The following CAMK4 variants were observed in gnomAD, a reference collection of about 807,000 sequenced individuals.
CAMK4 encodes the protein calcium/calmodulin-dependent protein kinase type IV.
A neutral mutation model predicts 44.9 loss-of-function variants in CAMK4; 22 were observed. That is an observed-to-expected ratio of 0.49 (90% confidence interval 0.35 to 0.70). The LOEUF is 0.70. Among genes scored for constraint, CAMK4 ranks in the 30% least tolerant of loss-of-function variants. The probability of loss-of-function intolerance (pLI) is 0.01; values close to 1 mark genes in which losing one functional copy is unlikely to be tolerated. For missense variants in CAMK4, 498 were observed against 586.8 expected, an observed-to-expected ratio of 0.85 and a Z score of 1.56; for synonymous variants, 218 against 215.4, an observed-to-expected ratio of 1.01 and a Z score of -0.11.
intron 6 of CAMK4, among the ~76,000 whole-genome samples, chr5:111,448,800 A>G (rs184931746): frequency 3.0e-4 from 45 of 152,314 alleles, no homozygotes; most frequent in East Asian, 1.7e-3. Flanking sequence ...GCAAGATTCT[A>G]TCTAAACAAA....
intron 2 of CAMK4, among the ~76,000 whole-genome samples, chr5:111,348,899 G>A (rs1035497980): frequency 3.2e-4 from 48 of 151,978 alleles, no homozygotes; most frequent in African/African-American, 1.2e-3. Flanking sequence ...AAACATCAGT[G>A]ACTCACTGTT....
chr5:111,338,930 A>G (rs983932757), intron 1 of CAMK4, among the ~76,000 whole-genome samples: 4 of 151,190 alleles, frequency 2.6e-5, no homozygotes, highest in African/African-American at 7.3e-5. Flanking sequence ...TGCTTTGGCT[A>G]TTCAGGCTCT....
At chr5:111,273,708 TATATATATATACACAC>T (rs1444866067) in intron 1 of CAMK4, among the ~76,000 whole-genome samples, 1,912 of 56,378 alleles carry the variant, frequency 0.034, 169 homozygotes, top group African/African-American at 0.16. Context: ...TATATATATA[TATATATATATACACAC>T]ACATACATAC....
At chr5:111,358,215 C>T (rs1332740713) in intron 2 of CAMK4, 1 of 152,028 alleles carries the variant, frequency 6.6e-6, no homozygotes, top group African/African-American at 2.4e-5. Context: ...CTGTTAAAAC[C>T]TGAGTTTAGT....
chr5:111,278,786 C>CTT (rs1387200381), intron 1 of CAMK4, among the ~76,000 whole-genome samples: 1 of 152,206 alleles, frequency 6.6e-6, no homozygotes, highest in Non-Finnish European at 1.5e-5. Context: ...CCACTCCATC[C>CTT]TTTGCTTTCC....
intron 5 of CAMK4, among the ~76,000 whole-genome samples, chr5:111,425,122 G>A (rs550805697): frequency 2.0e-5 from 3 of 146,474 alleles, no homozygotes; most frequent in Non-Finnish European, 4.4e-5. Context: ...GAGATCACTC[G>A]ACTGCACTCC....
chr5:111,318,216 G>C (rs1014784125), intron 1 of CAMK4, among the ~76,000 whole-genome samples: 1 of 152,134 alleles, frequency 6.6e-6, no homozygotes, highest in Non-Finnish European at 1.5e-5. Context: ...GCCTGAAAAA[G>C]GTGATCAGAA....
intron 1 of CAMK4, among the ~76,000 whole-genome samples, chr5:111,278,549 G>C: frequency 6.6e-6 from 1 of 152,294 alleles, no homozygotes; most frequent in Middle Eastern, 3.4e-3. Context: ...CTTAAAATTT[G>C]TAGCTAAATA....
chr5:111,301,362 A>T (rs369893590), intron 1 of CAMK4, among the ~76,000 whole-genome samples: 1 of 152,246 alleles, frequency 6.6e-6, no homozygotes, highest in African/African-American at 2.4e-5. Flanking sequence ...AAATTACAGG[A>T]ATTGACAAAT....
At chr5:111,423,686 C>T (rs899331117) in intron 5 of CAMK4, among the ~76,000 whole-genome samples, 2 of 152,184 alleles carry the variant, frequency 1.3e-5, no homozygotes, top group Non-Finnish European at 2.9e-5. Flanking sequence ...CACACTGATT[C>T]ACAACATTTA....
chr5:111,303,335 T>C (rs1322210365), intron 1 of CAMK4, among the ~76,000 whole-genome samples: 19 of 113,020 alleles, frequency 1.7e-4, no homozygotes, highest in African/African-American at 6.5e-4. Flanking sequence ...GCAAAGAAGT[T>C]GAAAACTTTG....
intron 7 of CAMK4, among the ~76,000 whole-genome samples, chr5:111,463,361 C>A (rs997265325): frequency 9.2e-5 from 14 of 152,020 alleles, no homozygotes; most frequent in African/African-American, 3.4e-4. Flanking sequence ...ATCCACAGAC[C>A]CTGTGTATAG....
intron 5 of CAMK4, among the ~76,000 whole-genome samples, chr5:111,434,291 C>A (rs1427263260): frequency 1.4e-3 from 180 of 131,832 alleles, no homozygotes; most frequent in East Asian, 2.4e-3. Context: ...GACTCTGTCT[C>A]AAAAAAAAAA....
intron 1 of CAMK4, among the ~76,000 whole-genome samples, chr5:111,277,062 T>A (rs900382986): frequency 6.6e-6 from 1 of 152,164 alleles, no homozygotes; most frequent in African/African-American, 2.4e-5. Flanking sequence ...TCTCAGGAGG[T>A]GTGTCCACAT....
At chr5:111,322,782 A>G (rs1748715256) in intron 1 of CAMK4, among the ~76,000 whole-genome samples, 1 of 152,120 alleles carries the variant, frequency 6.6e-6, no homozygotes, top group African/African-American at 2.4e-5. Context: ...CATAATAAAC[A>G]TAGAGAATGT....
chr5:111,366,917 C>T (rs1484597687), intron 2 of CAMK4, among the ~76,000 whole-genome samples: 4 of 151,440 alleles, frequency 2.6e-5, no homozygotes, highest in Non-Finnish European at 4.4e-5. Flanking sequence ...TATTTAGGGC[C>T]GTTTAAGTAA....
chr5:111,494,118 G>C lies in CAMK4; in HGVS notation c.*9652G>C, dbSNP rs1327167204. 6.6e-6 allele frequency: 1 copy of C among 152,118 alleles called. No individual in the cohort carries two copies. The highest frequency in any genetic ancestry group is 1.5e-5 in the Non-Finnish European group (1 of 68,032). The allele number at this position is 152,118 out of a possible 1,614,324, so 9.4% of individuals were successfully genotyped here. ...TAAGCAGCTCAATAGCAGCATAGAG[G>C]ATTAGATTAATGGAACAGCACTGCA... On this transcript the variant is annotated 3_prime_UTR_variant, in exon 11 of 11. Coordinates refer to ENST00000282356, the MANE Select transcript of CAMK4 (RefSeq NM_001744.6).
intron 3 of CAMK4, 55 bp from the exon 4 acceptor site, chr5:111,376,805 C>G: frequency 9.1e-7 from 1 of 1,094,708 alleles, no homozygotes; most frequent in Non-Finnish European, 1.4e-6. Context: ...TAGCTATTTC[C>G]AAGAAAGATG....
At chr5:111,447,670 T>C (rs79908012) in intron 6 of CAMK4, among the ~76,000 whole-genome samples, 1,619 of 152,370 alleles carry the variant, frequency 0.011, 28 homozygotes, top group African/African-American at 0.037. Context: ...TTAAATCCTC[T>C]GAAGGGCATT....
Sources: gnomAD v4.1 joint callset for allele counts (sites outside exome capture counted in the v4.1 genomes callset) on GRCh38, gnomAD v4.1.1 for gene constraint, MANE v1.5 for transcripts, NCBI Gene and HGNC (gene_info 2026-07-23, HGNC 2026-07-21) for gene names.